Variants in ANKRD30B observed in about 807,000 individuals in gnomAD.
ANKRD30B encodes the protein ankyrin repeat domain 30B.
ANKRD30B carries 144 observed loss-of-function variants against 202.2 expected under a neutral mutation model. The ratio of observed to expected loss-of-function variants is 0.71; its 90% CI spans 0.62 to 0.82. ANKRD30B has a LOEUF of 0.82. ANKRD30B is among the 40% of genes least tolerant of loss of function. The pLI is 0.00. For missense variants in ANKRD30B, 1,487 were observed against 1,669.1 expected (o/e 0.89, Z 1.90); for synonymous variants, 508 against 561.3 (o/e 0.91, Z 1.34).
In ANKRD30B at chr18:14,804,440, G is replaced by A. The variant is rs377002983; in HGVS notation, c.2284+616G>A. Among the ~76,000 whole-genome samples the A allele has an allele frequency of 1.8e-3, 250 of 140,972 alleles. 2 individuals are homozygous for A. In the East Asian group the frequency reaches 0.022, roughly 12 times the overall value. 92.5% of individuals were successfully genotyped at this position (140,972 alleles called of 152,430 possible). A position where few individuals can be genotyped will look rare whatever the true frequency, so the allele number is the denominator to read the frequency against. ...TTGTCATATACACTCCGTATAGACC[G>A]TAAGTTTTCAAACTTTAGAAAACCG... On this transcript the variant is annotated intron_variant, in intron 24 of 43. Transcript: ENST00000690538.
At chr18:14,835,273 G>A (rs1971122734) in intron 34 of ANKRD30B, among the ~76,000 whole-genome samples, 1 of 151,452 alleles carries the variant, frequency 6.6e-6, no homozygotes, top group African/African-American at 2.4e-5. Flanking sequence ...GGTATGTAAT[G>A]GTATTATATA....
At chr18:14,927,511 CCATGGA>C in the ANKRD30B span, among the ~76,000 whole-genome samples, 2 of 152,180 alleles carry the variant, frequency 1.3e-5, no homozygotes, top group Non-Finnish European at 2.9e-5. Flanking sequence ...ACCAGCTAAA[CCATGGA>C]CAGCACAGGA....
At chr18:14,831,181 G>GGAAAAAAAAAAA (rs1267118242) in intron 33 of ANKRD30B, among the ~76,000 whole-genome samples, 48 of 52,350 alleles carry the variant, frequency 9.2e-4, no homozygotes, top group South Asian at 2.1e-3. Flanking sequence ...CTCCGTCTCG[G>GGAAAAAAAAAAA]AAAAAAAAAA....
At chr18:14,807,261 G>A (rs1249161129) in intron 24 of ANKRD30B, among the ~76,000 whole-genome samples, 1 of 150,950 alleles carries the variant, frequency 6.6e-6, no homozygotes, top group African/African-American at 2.5e-5. Context: ...ATTATTTGAG[G>A]AAATGAGATA....
At chr18:14,862,199 A>G in the ANKRD30B span, among the ~76,000 whole-genome samples, 1 of 151,640 alleles carries the variant, frequency 6.6e-6, no homozygotes, top group Admixed American at 6.6e-5. Flanking sequence ...TCTCAAATTA[A>G]CAAGCTAAAA....
chr18:14,751,855 A>G (rs539632031), intron 1 of ANKRD30B, among the ~76,000 whole-genome samples: 351 of 108,128 alleles, frequency 3.2e-3, no homozygotes, highest in African/African-American at 9.7e-3. Flanking sequence ...GTCCTGTTGT[A>G]TATACCGTAT....
rs45493494 is a variant in ANKRD30B at position 14,763,912 on chromosome 18, A to C, written c.1047A>C (p.Lys349Asn). The change falls in exon 7 of 44, where the codon AAA becomes AAC. Residue 349 changes from lysine (K) to asparagine (N), a missense_variant. Lys to Asn is a moderately conservative substitution (Grantham distance 94, BLOSUM62 0). Transcript: ENST00000690538. ...GGCCTACAAAAGAAACATCTGAGAA[A>C]TTTTCATGGCCAGCAAAAGAAAGAT... The part of the protein sequence containing the change: ...ILRPTKETSE[K>N]FSWPAKERSR... The C allele has an allele frequency of 1.4e-5, 23 of 1,611,750 alleles. No homozygotes were observed. In the Middle Eastern group the frequency reaches 5.0e-4, roughly 35 times the overall value.
the ANKRD30B span, among the ~76,000 whole-genome samples, chr18:14,896,769 C>G: frequency 0.019 from 2,585 of 136,548 alleles, 112 homozygotes; most frequent in African/African-American, 0.071. Context: ...CACTGTTTCA[C>G]TTGTTAAGTG....
rs1971899143 is a variant in ANKRD30B at position 14,851,895 on chromosome 18, C to A, written c.3951C>A (p.Asn1317Lys). ...ATCAAAGTGTCACATCAAGAAAAAA[C>A]CAAGAACTTGCTTTCCACAGTGCAG... ...DHDQSVTSRK[N>K]QELAFHSAGD... The change falls in exon 42 of 44, where the codon AAC (asparagine) becomes AAA (lysine). Residue 1317 changes from asparagine to lysine, a missense_variant. Physicochemically the swap from Asn to Lys is moderately conservative, Grantham distance 94. This residue lies in a region of ANKRD30B where 182 missense variants were observed against 216.0 expected (regional missense o/e 0.84). Coordinates refer to ENST00000690538, the MANE Select transcript of ANKRD30B (RefSeq NM_001367607.2). 1 of 1,594,126 alleles carries A rather than the reference C, an allele frequency of 6.3e-7. No homozygotes were observed. The highest frequency in any genetic ancestry group is 8.6e-7 in the Non-Finnish European group (1 of 1,168,904).
the ANKRD30B span, among the ~76,000 whole-genome samples, chr18:14,864,529 T>C: frequency 1.1e-3 from 162 of 152,164 alleles, no homozygotes; most frequent in Non-Finnish European, 1.4e-3. Context: ...CCCACCATTT[T>C]TTCCCCACTG....
At chr18:14,790,668 T>C (rs1197778139) in intron 15 of ANKRD30B, among the ~76,000 whole-genome samples, 4 of 152,098 alleles carry the variant, frequency 2.6e-5, no homozygotes, top group Admixed American at 6.6e-5. Context: ...TTGTCTTTGG[T>C]TCTGTTTATA....
chr18:14,751,406 A>T (rs947681317), intron 1 of ANKRD30B, among the ~76,000 whole-genome samples: 3 of 152,060 alleles, frequency 2.0e-5, no homozygotes, highest in Admixed American at 1.3e-4. Context: ...TAAAAATTTC[A>T]TGTTTACCTG....
the ANKRD30B span, among the ~76,000 whole-genome samples, chr18:14,924,330 T>C: frequency 6.6e-6 from 1 of 152,242 alleles, no homozygotes; most frequent in African/African-American, 2.4e-5. Context: ...GAGCTAGCAA[T>C]GATAACTAAT....
In ANKRD30B at chr18:14,752,585, T is replaced by C. The variant is rs1250000428; in HGVS notation, c.241T>C (p.Cys81Arg). 6.2e-7 allele frequency: 1 copy of C among 1,612,450 alleles called. No individual in the cohort carries two copies. The highest frequency in any genetic ancestry group is 2.2e-5 in the East Asian group (1 of 44,852). ...MKKRTALHWA[C>R]VNGHAEVVTF... is the part of the protein sequence containing the mutation. ...TCGTAGGACTGCTCTACACTGGGCCTGTGTCAATGGCCATGCAGAAGTAGT... is the reference window on the plus strand; with the variant it reads ...TCGTAGGACTGCTCTACACTGGGCCCGTGTCAATGGCCATGCAGAAGTAGT... The change falls in exon 2 of 44, where the codon TGT (cysteine) becomes CGT (arginine). Residue 81 changes from cysteine to arginine, a missense_variant. By Grantham distance (180) the Cys-to-Arg change is radical. This residue lies in a region of ANKRD30B where 889 missense variants were observed against 841.4 expected (regional missense o/e 1.06). Coordinates refer to ENST00000690538, the MANE Select transcript of ANKRD30B (RefSeq NM_001367607.2).
At chr18:14,758,028 T>C in intron 5 of ANKRD30B, 76 bp downstream of exon 5, 1 of 1,472,808 alleles carries the variant, frequency 6.8e-7, no homozygotes, top group South Asian at 1.4e-5. Flanking sequence ...AGTGACTTAG[T>C]TCACTTCATC....
At chr18:14,858,863 A>T (rs1972140107), downstream of ANKRD30B, among the ~76,000 whole-genome samples, 1 of 99,666 alleles carries the variant, frequency 1.0e-5, no homozygotes, top group African/African-American at 4.5e-5. Context: ...GGCACTCCTC[A>T]CCTCCCAGAC....
chr18:14,869,187 T>C, the ANKRD30B span, among the ~76,000 whole-genome samples: 4 of 152,202 alleles, frequency 2.6e-5, no homozygotes, highest in Non-Finnish European at 5.9e-5. Flanking sequence ...TCTTGCTAGC[T>C]TGAGGGTTGA....
At chr18:14,870,777 T>TATCTTCTGC in the ANKRD30B span, among the ~76,000 whole-genome samples, 655 of 152,172 alleles carry the variant, frequency 4.3e-3, 15 homozygotes, top group East Asian at 0.034. Flanking sequence ...ATCTCCCCAG[T>TATCTTCTGC]ATCTTCTGCT....
chr18:14,758,133 T>G (rs1914669108), intron 5 of ANKRD30B, among the ~76,000 whole-genome samples, 181 bp downstream of exon 5: 1 of 152,132 alleles, frequency 6.6e-6, no homozygotes, highest in African/African-American at 2.4e-5. Context: ...TCCCTAGGGA[T>G]CCTAATGTTG....
Sources: allele counts gnomAD v4.1 joint callset (sites outside exome capture counted in the v4.1 genomes callset), GRCh38; gene constraint gnomAD v4.1.1; regional missense constraint gnomAD v4.1.1; transcripts MANE v1.5; gene names NCBI Gene and HGNC (gene_info 2026-07-23, HGNC 2026-07-21).